The following ZFYVE26 variants were observed in gnomAD, a reference collection of about 807,000 sequenced individuals.
ZFYVE26 encodes zinc finger FYVE domain-containing protein 26.
A neutral mutation model predicts 276.5 loss-of-function variants in ZFYVE26; 181 were observed. The observed-to-expected ratio is 0.65, with a 90% confidence interval of 0.58 to 0.74. ZFYVE26 has a LOEUF of 0.74. Among genes scored for constraint, ZFYVE26 ranks in the 30% least tolerant of loss-of-function variants. The probability of loss-of-function intolerance (pLI) is 0.00; values close to 1 mark genes in which losing one functional copy is unlikely to be tolerated. For synonymous variants in ZFYVE26, 1,129 were observed against 1,203.1 expected (o/e 0.94, Z 1.27); for missense variants, 2,821 against 3,097.9 (o/e 0.91, Z 2.12).
At chr14:67,729,618 CT>C (rs1044915338) in exon 14 of ZFYVE26, 6 of 625,458 alleles carry the variant, frequency 9.6e-6, no homozygotes, top group African/African-American at 7.4e-5. Context: ...TCCATGAAAA[CT>C]TTGCAGCTTT....
At chr14:67,799,699 A>T (rs1253315291) in intron 10 of ZFYVE26, 1 of 933,258 alleles carries the variant, frequency 1.1e-6, no homozygotes, top group African/African-American at 1.6e-5. Context: ...AGTCAACTCA[A>T]CTCTTGAGAA....
At position 67,809,295 on chromosome 14, in the gene ZFYVE26, A is replaced by C. The variant is rs1315615424; in HGVS notation, c.274-6T>G. 4 of 1,599,130 alleles carry C rather than the reference A, an allele frequency of 2.5e-6. No individual in the cohort carries two copies. The highest frequency in any genetic ancestry group is 1.1e-5 in the South Asian group (1 of 90,792). On this transcript the variant is annotated splice_region_variant and splice_polypyrimidine_tract_variant and intron_variant, in intron 3 of 41. Coordinates refer to ENST00000347230, the MANE Select transcript of ZFYVE26 (RefSeq NM_015346.4). ...AAAACAACTGGGAGTAACTTCTAGA[A>C]GAATCAAAAGAATGAAGCATAGAGA...
chr14:67,811,567 C>T (rs770202451), intron 3 of ZFYVE26, among the ~76,000 whole-genome samples: 3 of 151,802 alleles, frequency 2.0e-5, no homozygotes, highest in Non-Finnish European at 2.9e-5. Context: ...AATAACTTTA[C>T]GGTTACAAGA....
chr14:67,779,997 G>T (rs1298714186), intron 23 of ZFYVE26, among the ~76,000 whole-genome samples: 1 of 152,072 alleles, frequency 6.6e-6, no homozygotes, highest in Non-Finnish European at 1.5e-5. Context: ...TCAGCCTCTG[G>T]AGTAGCTGGG....
chr14:67,738,249 A>G (rs1212267820), intron 13 of ZFYVE26, among the ~76,000 whole-genome samples: 1 of 151,582 alleles, frequency 6.6e-6, no homozygotes, highest in African/African-American at 2.4e-5. Flanking sequence ...TAGCAAAAAA[A>G]TGGAAATAGC....
chr14:67,761,402 G>A lies in ZFYVE26; in HGVS notation c.6552C>T (p.Ser2184=). ...LAIISFYVRH[S]CLREALLHLL... ...GGTGCAGAAGAGCTTCCCGCAGGCA[G>A]CTGTGCCTCACGTAGAAGCTGATGA... Residue 2184 remains serine (S), a synonymous_variant, in exon 35 of 42, where the codon AGC becomes AGT. Coordinates refer to ENST00000347230, the MANE Select transcript of ZFYVE26 (RefSeq NM_015346.4). 1 of 1,613,964 alleles carries A rather than the reference G, an allele frequency of 6.2e-7. No homozygotes were observed. Among genetic ancestry groups the A allele is most frequent in the Non-Finnish European group, 8.5e-7 (1 of 1,179,902 alleles).
intron 27 of ZFYVE26, among the ~76,000 whole-genome samples, chr14:67,772,963 A>G (rs1048363127): frequency 1.3e-5 from 2 of 152,176 alleles, no homozygotes; most frequent in African/African-American, 4.8e-5. Context: ...CTCTTAAAAA[A>G]GAAAAAGAAA....
intron 6 of ZFYVE26, 119 bp downstream of exon 6, chr14:67,806,426 G>T: frequency 1.5e-6 from 2 of 1,314,344 alleles, no homozygotes; most frequent in African/African-American, 1.5e-5. Context: ...AAAACCAAAT[G>T]ACTCAACACT....
At chr14:67,737,938 T>C (rs1206888338) in intron 13 of ZFYVE26, among the ~76,000 whole-genome samples, 1 of 152,168 alleles carries the variant, frequency 6.6e-6, no homozygotes, top group Non-Finnish European at 1.5e-5. Context: ...GCAAAAGTTA[T>C]AAATAGGAAA....
intron 39 of ZFYVE26, 135 bp from the exon 40 acceptor site, chr14:67,752,661 T>C (rs1028971577): frequency 9.1e-6 from 9 of 987,502 alleles, no homozygotes; most frequent in Non-Finnish European, 1.4e-5. Context: ...AAAACATAAA[T>C]ATACCAAACA....
At chr14:67,749,850 A>T (rs2038588782) in intron 41 of ZFYVE26, among the ~76,000 whole-genome samples, 2 of 152,330 alleles carry the variant, frequency 1.3e-5, no homozygotes, top group Middle Eastern at 3.4e-3. Context: ...ACAAGTTGGC[A>T]GGCAAAATTC....
intron 32 of ZFYVE26, among the ~76,000 whole-genome samples, chr14:67,763,483 C>A (rs1194413122): frequency 6.6e-6 from 1 of 152,156 alleles, no homozygotes; most frequent in East Asian, 1.9e-4. Context: ...TACACAAATA[C>A]CATAGTGTTA....
At chr14:67,791,824 C>A (rs2039821607) in intron 14 of ZFYVE26, among the ~76,000 whole-genome samples, 1 of 148,752 alleles carries the variant, frequency 6.7e-6, no homozygotes, top group Non-Finnish European at 1.5e-5. Flanking sequence ...CTTCAGGAGG[C>A]CAAGGAGGGT....
intron 14 of ZFYVE26, among the ~76,000 whole-genome samples, chr14:67,793,357 T>C (rs938019293): frequency 7.9e-5 from 12 of 152,250 alleles, no homozygotes; most frequent in Middle Eastern, 3.4e-3. Flanking sequence ...TTTTAAGTGG[T>C]GGGAGTGTGG....
At position 67,815,925 on chromosome 14, in the gene ZFYVE26, C is replaced by T. The variant is rs1317745972; in HGVS notation, c.39G>A (p.Gln13=). The change falls in exon 2 of 42, where the codon CAG becomes CAA. Residue 13 remains glutamine, a synonymous_variant. Transcript: ENST00000347230. ...HPFGKEEAAS[Q]KQLFGFFCEC... ...CGCAGAAAAATCCAAAAAGCTGCTT[C>T]TGCGAAGCAGCTTCCTCTTTTCCAA... The T allele has an allele frequency of 6.2e-7, 1 of 1,613,440 alleles. No homozygotes were observed. The highest frequency in any genetic ancestry group is 1.7e-5 in the Admixed American group (1 of 59,798).
intron 12 of ZFYVE26, 44 bp from the exon 13 acceptor site, chr14:67,794,283 T>G: frequency 6.3e-7 from 1 of 1,586,314 alleles, no homozygotes; most frequent in East Asian, 2.2e-5. Flanking sequence ...TATCAGCTCC[T>G]TATAGAGTAG....
Position 67,789,554 on chromosome 14 carries a change from T to G in ZFYVE26, c.2800A>C (p.Asn934His). 6.2e-7 allele frequency: 1 copy of G among 1,614,186 alleles called. No homozygotes were observed. The highest frequency in any genetic ancestry group is 1.1e-5 in the South Asian group (1 of 91,088). Residue 934 changes from asparagine to histidine, a missense_variant, in exon 16 of 42, where the codon AAC (asparagine) becomes CAC (histidine). Coordinates refer to ENST00000347230, the MANE Select transcript of ZFYVE26 (RefSeq NM_015346.4). ...ATGGGGATGGGGTCTCCAGAGGTGT[T>G]GAGCAGCTTGTCAGTCACGTCAGAG... ...SISDVTDKLL[N>H]TSGDPIPMLQ...
At chr14:67,763,138 C>T (rs1020069205) in intron 32 of ZFYVE26, among the ~76,000 whole-genome samples, 1 of 152,200 alleles carries the variant, frequency 6.6e-6, no homozygotes, top group Non-Finnish European at 1.5e-5. Context: ...CTCCTGACAT[C>T]AGGTGATCCG....
rs750838440 is a variant in ZFYVE26 at position 67,807,683 on chromosome 14, A to G, written c.601T>C (p.Leu201=). 5.6e-6 allele frequency: 9 copies of G among 1,614,168 alleles called. No individual in the cohort carries two copies. The highest frequency in any genetic ancestry group is 1.6e-4 in the Middle Eastern group (1 of 6,062). The change falls in exon 5 of 42, where the codon TTG becomes CTG. Residue 201 remains leucine (L), a synonymous_variant. Transcript: ENST00000347230. ...NALVDLIRKA[L]RALQGPDSVP... is the part of the protein sequence containing the mutation. Reference sequence around the variant, plus strand: ...GAATCAGGGCCCTGCAAAGCCCGCAATGCCTTTCGAATGAGGTCCACCAGT... The same window carrying G: ...GAATCAGGGCCCTGCAAAGCCCGCAGTGCCTTTCGAATGAGGTCCACCAGT...
Sources: gnomAD v4.1 joint callset for allele counts (sites outside exome capture counted in the v4.1 genomes callset) on GRCh38, gnomAD v4.1.1 for gene constraint, MANE v1.5 for transcripts, NCBI Gene and HGNC (gene_info 2026-07-23, HGNC 2026-07-21) for gene names.